NOL4: variants seen among roughly 807,000 people sequenced by gnomAD.
The protein encoded by NOL4 is cancer/testis antigen 125.
NOL4 carries 17 observed loss-of-function variants against 75.9 expected under a neutral mutation model. The ratio of observed to expected loss-of-function variants is 0.22; its 90% CI spans 0.15 to 0.34. The LOEUF (loss-of-function observed/expected upper bound fraction) is 0.34, where lower values mean the gene tolerates loss of function less well. NOL4 is among the 10% of genes least tolerant of loss of function. The probability of loss-of-function intolerance (pLI) is 1.00; values close to 1 mark genes in which losing one functional copy is unlikely to be tolerated. For synonymous variants in NOL4, 292 were observed against 289.9 expected (o/e 1.01, Z -0.07); for missense variants, 614 against 793.5 (o/e 0.77, Z 2.72).
At chr18:34,041,531 G>A (rs183966292) in intron 5 of NOL4, among the ~76,000 whole-genome samples, 266 of 149,794 alleles carry the variant, frequency 1.8e-3, no homozygotes, top group African/African-American at 5.5e-3. Context: ...AAGCCACTTC[G>A]TTATCACCCT....
chr18:34,041,980 T>C (rs117015262), intron 5 of NOL4, among the ~76,000 whole-genome samples: 1 of 152,162 alleles, frequency 6.6e-6, no homozygotes, highest in Non-Finnish European at 1.5e-5. Context: ...TGCATGAAGT[T>C]ATGCATGTGA....
At chr18:34,009,254 G>A (rs977864562) in intron 6 of NOL4, among the ~76,000 whole-genome samples, 2 of 151,818 alleles carry the variant, frequency 1.3e-5, no homozygotes, top group African/African-American at 4.8e-5. Flanking sequence ...ATGCCTCTGG[G>A]AATGTGTATA....
chr18:34,218,673 T>C (rs1268616128), intron 1 of NOL4, among the ~76,000 whole-genome samples: 1 of 151,912 alleles, frequency 6.6e-6, no homozygotes, highest in Non-Finnish European at 1.5e-5. Flanking sequence ...CCAAATCCTA[T>C]GCTACAGGAT....
chr18:34,050,137 C>T (rs748594558), intron 5 of NOL4, among the ~76,000 whole-genome samples: 16 of 152,058 alleles, frequency 1.1e-4, no homozygotes, highest in Non-Finnish European at 2.2e-4. Flanking sequence ...CATATGTACC[C>T]ACTTCACAAT....
intron 9 of NOL4, among the ~76,000 whole-genome samples, chr18:33,890,776 T>A (rs1466194661): frequency 6.6e-6 from 1 of 152,060 alleles, no homozygotes. Context: ...TTTCTGGAAG[T>A]GTGTGTGCTA....
intron 10 of NOL4, among the ~76,000 whole-genome samples, chr18:33,880,991 A>G (rs995879877): frequency 6.6e-6 from 1 of 151,958 alleles, no homozygotes; most frequent in Non-Finnish European, 1.5e-5. Flanking sequence ...CAGTCTATCC[A>G]TTTTCTTCTC....
intron 4 of NOL4, among the ~76,000 whole-genome samples, chr18:34,100,281 T>A (rs2078986324): frequency 6.6e-6 from 1 of 152,106 alleles, no homozygotes; most frequent in African/African-American, 2.4e-5. Flanking sequence ...CTCATCAACA[T>A]GTAAATATGC....
At position 34,031,228 on chromosome 18, in the gene NOL4, C is replaced by G. The variant is rs149989790; in HGVS notation, c.773-11627G>C. 2.0e-3 allele frequency among the ~76,000 whole-genome samples: 301 copies of G among 152,306 alleles called. 1 individual carries two copies. Among genetic ancestry groups the G allele is most frequent in the Non-Finnish European group, 3.5e-3 (235 of 68,022 alleles). On this transcript the variant is annotated intron_variant, in intron 5 of 10. Coordinates refer to ENST00000261592, the MANE Select transcript of NOL4 (RefSeq NM_003787.5). ...TGTCCGTCTTTGTTCTCTGTTGTAT[C>G]TAGCGCAGTGCTAGTCCCCTACTGC... is the stretch of plus-strand genomic sequence containing the variant.
intron 1 of NOL4, among the ~76,000 whole-genome samples, chr18:34,189,935 T>C (rs1458832592): frequency 1.3e-5 from 2 of 151,654 alleles, no homozygotes; most frequent in Non-Finnish European, 2.9e-5. Context: ...TACTGGACAA[T>C]TGCTCTTTTT....
At chr18:34,025,681 A>T (rs773047015) in intron 5 of NOL4, among the ~76,000 whole-genome samples, 11 of 152,184 alleles carry the variant, frequency 7.2e-5, no homozygotes, top group Non-Finnish European at 1.5e-4. Context: ...ATGTTACTTC[A>T]ACTAGGCAGT....
chr18:34,126,824 T>A (rs897596194), intron 2 of NOL4, among the ~76,000 whole-genome samples: 4 of 152,060 alleles, frequency 2.6e-5, no homozygotes, highest in African/African-American at 7.2e-5. Context: ...ATTCAGATTA[T>A]ATTTTTTAGT....
At chr18:34,081,012 T>C (rs1181608029) in intron 5 of NOL4, among the ~76,000 whole-genome samples, 2 of 152,204 alleles carry the variant, frequency 1.3e-5, no homozygotes, top group African/African-American at 4.8e-5. Flanking sequence ...CATTCTGCAG[T>C]CTTCTTTTTA....
intron 5 of NOL4, among the ~76,000 whole-genome samples, chr18:34,048,217 T>C (rs2076468666): frequency 6.6e-6 from 1 of 152,108 alleles, no homozygotes; most frequent in Non-Finnish European, 1.5e-5. Context: ...CTTATCTAAT[T>C]TTACCATGCT....
Position 34,137,202 on chromosome 18 carries a change from C to G in NOL4, c.265-7182G>C, listed in dbSNP as rs540543283. Among the ~76,000 whole-genome samples the G allele has an allele frequency of 7.2e-5, 11 of 152,226 alleles. No homozygotes were observed. The East Asian group carries it at 2.1e-3, about 29-fold the overall frequency. On this transcript the variant is annotated intron_variant, in intron 1 of 10. Transcript: ENST00000261592. ...AAAACTCAAAATTTGTACAAGGTTA[C>G]ACAGAAGTAAATGTTTGTAACCTTG...
At chr18:34,189,520 A>G (rs2034752439) in intron 1 of NOL4, among the ~76,000 whole-genome samples, 1 of 152,170 alleles carries the variant, frequency 6.6e-6, no homozygotes, top group South Asian at 2.1e-4. Flanking sequence ...TTACTATATA[A>G]GAGGCCCTAT....
chr18:34,215,412 T>G (rs1243999831), intron 1 of NOL4, among the ~76,000 whole-genome samples: 1 of 152,214 alleles, frequency 6.6e-6, no homozygotes, highest in Admixed American at 6.5e-5. Context: ...TGTGGAAATT[T>G]AACAAATTAT....
At chr18:33,960,031 C>G (rs554377041) in intron 6 of NOL4, among the ~76,000 whole-genome samples, 7 of 151,942 alleles carry the variant, frequency 4.6e-5, no homozygotes, top group Non-Finnish European at 1.0e-4. Flanking sequence ...AATCTTTAAA[C>G]AAAATATTTT....
intron 5 of NOL4, among the ~76,000 whole-genome samples, chr18:34,028,245 T>C (rs1412711651): frequency 6.6e-6 from 1 of 152,194 alleles, no homozygotes; most frequent in Non-Finnish European, 1.5e-5. Flanking sequence ...CGCAGTAGAT[T>C]CTATTTTGAA....
intron 6 of NOL4, among the ~76,000 whole-genome samples, chr18:34,009,951 T>C (rs553148412): frequency 6.6e-6 from 1 of 151,946 alleles, no homozygotes; most frequent in Non-Finnish European, 1.5e-5. Context: ...GTTATTAGAA[T>C]AATCCTGGCA....
Sources: allele counts gnomAD v4.1 joint callset (sites outside exome capture counted in the v4.1 genomes callset), GRCh38; gene constraint gnomAD v4.1.1; transcripts MANE v1.5; gene names NCBI Gene and HGNC (gene_info 2026-07-23, HGNC 2026-07-21).